MAPK12: variants seen among roughly 807,000 people sequenced by gnomAD.
MAPK12 encodes MAP kinase 12.
MAPK12 carries 49 observed loss-of-function variants against 49.1 expected under a neutral mutation model. The ratio of observed to expected loss-of-function variants is 1.00; its 90% CI spans 0.79 to 1.27. MAPK12 has a LOEUF of 1.27. MAPK12 is among the 50% of genes most tolerant of loss of function. The pLI is 0.00. For synonymous variants in MAPK12, 251 were observed against 209.7 expected, an observed-to-expected ratio of 1.20 and a Z score of -1.70; for missense variants, 554 against 502.4, an observed-to-expected ratio of 1.10 and a Z score of -0.98.
rs1601647775 is a variant in MAPK12 at position 50,261,287 on chromosome 22, C to T, written c.135G>A (p.Val45=). 1 of 1,489,858 alleles carries T rather than the reference C, an allele frequency of 6.7e-7. No individual in the cohort carries two copies. The highest frequency in any genetic ancestry group is 9.0e-7 in the Non-Finnish European group (1 of 1,115,976). 92.3% of individuals were successfully genotyped at this position (1,489,858 alleles called of 1,614,324 possible). The change falls in exon 2 of 12, where the codon GTG becomes GTA. Residue 45 remains valine, a synonymous_variant. Coordinates refer to ENST00000215659, the MANE Select transcript of MAPK12 (RefSeq NM_002969.6). Reference sequence around the variant, plus strand: ...CCACCTTAGCGCCGGTGCGGCCGTCCACGGCCGAGCTGCGGGGCGGACCGC... The same window carrying T: ...CCACCTTAGCGCCGGTGCGGCCGTCTACGGCCGAGCTGCGGGGCGGACCGC... ...SGAYGAVCSA[V]DGRTGAKVAI...
chr22:50,253,517 G>C, intron 11 of MAPK12, 37 bp from the exon 12 acceptor site: 1 of 950,278 alleles, frequency 1.1e-6, no homozygotes, highest in Non-Finnish European at 1.7e-6. Flanking sequence ...ACAGAGAGGG[G>C]GGTCAGCCTT....
intron 6 of MAPK12, 35 bp downstream of exon 6, chr22:50,256,564 C>A: frequency 6.2e-7 from 1 of 1,601,714 alleles, no homozygotes; most frequent in Non-Finnish European, 8.5e-7. Context: ...GGGGCCCCTG[C>A]CCCACCTCAG....
At chr22:50,257,832 G>T in intron 3 of MAPK12, 1 of 723,786 alleles carries the variant, frequency 1.4e-6, no homozygotes, top group Non-Finnish European at 2.6e-6. Context: ...GTCGGCTGCA[G>T]GGCAGGGGCA....
chr22:50,257,942 CT>C, intron 3 of MAPK12: 1 of 772,530 alleles, frequency 1.3e-6, no homozygotes, highest in South Asian at 1.4e-5. Context: ...AGCACGGGAC[CT>C]TCCTGTTAAC....
In MAPK12 at chr22:50,253,445, G is replaced by C; in HGVS notation, c.1060C>G (p.Pro354Ala). ...GAGACCCTGGCCCCCAGCTGCCGGG[G>C]AGGCTTGAAGCTGAGCACCTCTTTG... ...TYKEVLSFKP[P>A]RQLGARVSKE... Residue 354 changes from proline to alanine, a missense_variant, in exon 12 of 12, where the codon CCC (proline) becomes GCC (alanine). Pro to Ala is a conservative substitution (Grantham distance 27). Transcript: ENST00000215659. 3 of 1,412,958 alleles carry C rather than the reference G, an allele frequency of 2.1e-6. No individual in the cohort carries two copies. The allele number at this position is 1,412,958 out of a possible 1,614,324, so 87.5% of individuals were successfully genotyped here. A position where few individuals can be genotyped will look rare whatever the true frequency, so the allele number is the denominator to read the frequency against.
chr22:50,259,769 A>G (rs2065191126), intron 2 of MAPK12, among the ~76,000 whole-genome samples: 1 of 151,956 alleles, frequency 6.6e-6, no homozygotes, highest in African/African-American at 2.4e-5. Context: ...CTGTAATCCC[A>G]GCTACTGAGG....
At chr22:50,253,502 G>GGGGGGGGGGCCCCCCCCCCCCCC in intron 11 of MAPK12, 22 bp from the exon 12 acceptor site, 2 of 171,648 alleles carry the variant, frequency 1.2e-5, no homozygotes, top group Non-Finnish European at 2.3e-5. Context: ...GGGGGGGCGG[G>GGGGGGGGGGCCCCCCCCCCCCCC]CACAACAGAG....
intron 5 of MAPK12, 31 bp downstream of exon 5, chr22:50,256,904 G>T: frequency 1.9e-6 from 3 of 1,601,062 alleles, no homozygotes. Context: ...CTGGGGGAGG[G>T]CTGATGAGCG....
rs756575862 is a variant in MAPK12 at position 50,258,304 on chromosome 22, G to C, written c.256-3C>G. 3.1e-6 allele frequency: 5 copies of C among 1,611,156 alleles called. No homozygotes were observed. In the Admixed American group the frequency reaches 5.0e-5, roughly 16 times the overall value. On this transcript the variant is annotated splice_polypyrimidine_tract_variant and splice_region_variant and intron_variant, in intron 2 of 11. Transcript: ENST00000215659. ...AATACGTCCAGCAGCCCGATCACCT[G>C]GGGGGGCCACATAGGGTTGAGAATG...
chr22:50,253,502 G>GGGGGGGCGCC, intron 11 of MAPK12, 22 bp from the exon 12 acceptor site: 2 of 171,684 alleles, frequency 1.2e-5, no homozygotes, highest in Non-Finnish European at 2.3e-5. Context: ...GGGGGGGCGG[G>GGGGGGGCGCC]CACAACAGAG....
Position 50,256,149 on chromosome 22 carries a change from G to A in MAPK12, c.555C>T (p.Tyr185=), listed in dbSNP as rs565963616. The change falls in exon 7 of 12, where the codon TAC becomes TAT. Residue 185 remains tyrosine (Y), a synonymous_variant. Transcript: ENST00000215659. The stretch of plus-strand genomic sequence containing the variant: ...GAGCCCGGTACCACCGGGTCACCAC[G>A]TACCCAGTCATCTCACTGTCTGCCT... ...ARQADSEMTG[Y]VVTRWYRAPE... The A allele has an allele frequency of 3.6e-5, 58 of 1,612,648 alleles. No homozygotes were observed. Among genetic ancestry groups the A allele is most frequent in the Middle Eastern group, 1.6e-4 (1 of 6,078 alleles).
chr22:50,260,622 C>G (rs1172531721), intron 2 of MAPK12, among the ~76,000 whole-genome samples: 1 of 152,202 alleles, frequency 6.6e-6, no homozygotes, highest in Non-Finnish European at 1.5e-5. Flanking sequence ...AACAGCAGCT[C>G]CCTAAACCCT....
In MAPK12 at chr22:50,253,428, G is replaced by A; in HGVS notation, c.1077C>T (p.Ala359=). The change falls in exon 12 of 12, where the codon GCC becomes GCT. Residue 359 remains alanine, a synonymous_variant. Coordinates refer to ENST00000215659, the MANE Select transcript of MAPK12 (RefSeq NM_002969.6). ...ACAGAGGCGTCTCCTTGGAGACCCT[G>A]GCCCCCAGCTGCCGGGGAGGCTTGA... is the stretch of plus-strand genomic sequence containing the variant. ...LSFKPPRQLG[A]RVSKETPL The A allele has an allele frequency of 6.9e-7, 1 of 1,450,530 alleles. No homozygotes were observed. Among genetic ancestry groups the A allele is most frequent in the Non-Finnish European group, 9.2e-7 (1 of 1,085,664 alleles). 89.9% of individuals were successfully genotyped at this position (1,450,530 alleles called of 1,614,324 possible).
In MAPK12 at chr22:50,253,474, G is replaced by C. The variant is rs562826406; in HGVS notation, c.1031C>G (p.Thr344Ser). 1.8e-6 allele frequency: 2 copies of C among 1,134,316 alleles called. No homozygotes were observed. The highest frequency in any genetic ancestry group is 2.4e-6 in the Non-Finnish European group (2 of 840,438). 70.3% of individuals were successfully genotyped at this position (1,134,316 alleles called of 1,614,324 possible). A position where few individuals can be genotyped will look rare whatever the true frequency, so the allele number is the denominator to read the frequency against. ...CTTGAAGCTGAGCACCTCTTTGTAA[G>C]TAACACCTGGCGGGGGTGGGGGGGC... ...DRTLDEWKRV[T>S]YKEVLSFKPP... Residue 344 changes from threonine to serine, a missense_variant, in exon 12 of 12, where the codon ACT becomes AGT. Thr to Ser is a moderately conservative substitution (Grantham distance 58). Coordinates refer to ENST00000215659, the MANE Select transcript of MAPK12 (RefSeq NM_002969.6).
Position 50,261,585 on chromosome 22 carries a change from G to A in MAPK12, c.-76C>T, listed in dbSNP as rs2065214952. The A allele has an allele frequency of 2.9e-6, 3 of 1,018,120 alleles. No individual in the cohort carries two copies. The highest frequency in any genetic ancestry group is 9.0e-5 in the South Asian group (2 of 22,304). The allele number at this position is 1,018,120 out of a possible 1,614,324, so 63.1% of individuals were successfully genotyped here. ...CGACCGGGGACGGGGCTCCCTCGGCGCGCGCCTCGGGCCGGCTCCGCGCCG... is the reference window on the plus strand; with the variant it reads ...CGACCGGGGACGGGGCTCCCTCGGCACGCGCCTCGGGCCGGCTCCGCGCCG... On this transcript the variant is annotated 5_prime_UTR_variant, in exon 1 of 12. Transcript: ENST00000215659.
intron 3 of MAPK12, chr22:50,257,639 G>A (rs1023936330): frequency 6.9e-6 from 4 of 579,074 alleles, no homozygotes; most frequent in Admixed American, 3.1e-5. Context: ...GCGCGGCAAG[G>A]CATCTGGGTC....
rs199917786 is a variant in MAPK12 at position 50,255,175 on chromosome 22, G to A, written c.1024+22C>T. On this transcript the variant is annotated intron_variant, in intron 11 of 11. Coordinates refer to ENST00000215659, the MANE Select transcript of MAPK12 (RefSeq NM_002969.6). ...CCCCCCACTTGGGTCCACACAGGCC[G>A]TGCCAGGAGCCCCCCACTCACGCTT... The A allele has an allele frequency of 2.2e-5, 36 of 1,612,680 alleles. No homozygotes were observed. In the East Asian group the frequency reaches 2.7e-4, roughly 12 times the overall value.
intron 3 of MAPK12, 99 bp downstream of exon 3, chr22:50,258,144 G>T: frequency 8.9e-7 from 1 of 1,119,300 alleles, no homozygotes; most frequent in African/African-American, 1.5e-5. Flanking sequence ...CACTCAGGCT[G>T]CAGGAAGAGA....
In MAPK12 at chr22:50,255,433, C is replaced by T. The variant is rs1371567314; in HGVS notation, c.850+20G>A. The T allele has an allele frequency of 6.2e-7, 1 of 1,612,924 alleles. No individual in the cohort carries two copies. The highest frequency in any genetic ancestry group is 8.5e-7 in the Non-Finnish European group (1 of 1,180,006). On this transcript the variant is annotated intron_variant, in intron 10 of 11. Transcript: ENST00000215659. ...CCCCACACTCCAGCACCCGGTGGCC[C>T]CCACACTAGCCAGCCGTACCCAGAG...
Sources: allele counts gnomAD v4.1 joint callset (sites outside exome capture counted in the v4.1 genomes callset), GRCh38; gene constraint gnomAD v4.1.1; transcripts MANE v1.5; gene names NCBI Gene and HGNC (gene_info 2026-07-23, HGNC 2026-07-21).